SKI: variants seen among roughly 807,000 people sequenced by gnomAD.
SKI encodes SKI proto-oncogene, also known as ski oncogene.
In SKI, 23 loss-of-function variants were observed where a neutral mutation model predicts 59.3. That is an observed-to-expected ratio of 0.39 (90% confidence interval 0.28 to 0.55). The LOEUF is 0.55. SKI is among the 20% of genes least tolerant of loss of function. The pLI is 0.67. For missense variants in SKI, 1,017 were observed against 1,038.9 expected (o/e 0.98, Z 0.29); for synonymous variants, 673 against 488.6 (o/e 1.38, Z -4.98).
intron 1 of SKI, among the ~76,000 whole-genome samples, chr1:2,264,042 C>G (rs564297997): frequency 6.6e-6 from 1 of 151,654 alleles, no homozygotes; most frequent in Non-Finnish European, 1.5e-5. Flanking sequence ...TGGAACTTAC[C>G]ATTAAAACCT....
intron 1 of SKI, among the ~76,000 whole-genome samples, chr1:2,247,495 T>A (rs183733098): frequency 6.6e-6 from 1 of 152,330 alleles, no homozygotes; most frequent in East Asian, 1.9e-4. Flanking sequence ...ACTTGCCACC[T>A]CACAGAAGCC....
chr1:2,275,893 C>T (rs1359165138), intron 1 of SKI, among the ~76,000 whole-genome samples: 1 of 152,088 alleles, frequency 6.6e-6, no homozygotes, highest in Non-Finnish European at 1.5e-5. Flanking sequence ...TGCCTCCACC[C>T]CACCAGTGCA....
chr1:2,229,142 A>G lies in SKI; in HGVS notation c.376A>G (p.Ile126Val). Residue 126 changes from isoleucine (I) to valine (V), a missense_variant, in exon 1 of 7, where the codon ATT becomes GTT. Coordinates refer to ENST00000378536, the MANE Select transcript of SKI (RefSeq NM_003036.4). This position sits in a 1 kb window ranked among gnomAD's most constrained non-coding sequence, Gnocchi z 6.3. The part of the protein sequence containing the change: ...GGEKRLCLPQ[I>V]LNSVLRDFSL... ...CGAGAAGCGCCTGTGTCTGCCGCAG[A>G]TTCTCAACTCGGTGCTGCGCGACTT... The G allele has an allele frequency of 6.2e-7, 1 of 1,611,752 alleles. No homozygotes were observed. Among genetic ancestry groups the G allele is most frequent in the Middle Eastern group, 1.7e-4 (1 of 6,054 alleles).
intron 1 of SKI, among the ~76,000 whole-genome samples, chr1:2,237,525 C>G (rs943484252): frequency 6.6e-6 from 1 of 152,220 alleles, no homozygotes. Flanking sequence ...CCTGCAGACC[C>G]GCCCTCACCC....
At chr1:2,276,727 C>G (rs1277699348) in intron 1 of SKI, among the ~76,000 whole-genome samples, 2 of 152,246 alleles carry the variant, frequency 1.3e-5, no homozygotes, top group Non-Finnish European at 2.9e-5. Flanking sequence ...GTGGCCTCCA[C>G]TGTGAGTATG....
At position 2,275,497 on chromosome 1, in the gene SKI, TTGCTTTTTCCAGAGACGTTTATC is replaced by T. The variant is rs1639721265; in HGVS notation, c.970-27478_970-27456del. Among the ~76,000 whole-genome samples the T allele has an allele frequency of 2.0e-5, 3 of 151,954 alleles. No homozygotes were observed. The South Asian group carries it at 6.2e-4, about 31-fold the overall frequency. On this transcript the variant is annotated intron_variant, in intron 1 of 6. Transcript: ENST00000378536. ...GCAGGATGAGGGGTGTGGGGAGAGT[TTGCTTTTTCCAGAGACGTTTATC>T]TGTTTTTTTTTTAGACGGAGTCTCG...
Position 2,304,460 on chromosome 1 carries a change from G to A in SKI, c.1642G>A (p.Ala548Thr), listed in dbSNP as rs1434790266. The A allele has an allele frequency of 6.4e-7, 1 of 1,568,562 alleles. No individual in the cohort carries two copies. Among genetic ancestry groups the A allele is most frequent in the African/African-American group, 1.4e-5 (1 of 73,646 alleles). Residue 548 changes from alanine to threonine, a missense_variant, in exon 5 of 7, where the codon GCA becomes ACA. Physicochemically the swap from Ala to Thr is moderately conservative, Grantham distance 58. Transcript: ENST00000378536. ...GGCGGAGCTGGAGCACCTGCGGCAG[G>A]CACTGGAGGGCGGCCTGGACACCAA... is the stretch of plus-strand genomic sequence containing the variant. The part of the protein sequence containing the change: ...LEAELEHLRQ[A>T]LEGGLDTKEA...
At chr1:2,287,963 CGTCT>C (rs373939047) in intron 1 of SKI, among the ~76,000 whole-genome samples, 2 of 152,174 alleles carry the variant, frequency 1.3e-5, no homozygotes, top group African/African-American at 2.4e-5. Context: ...GGCTGTTTCT[CGTCT>C]GTCTTTTTTC....
At chr1:2,280,034 G>A (rs1032848591) in intron 1 of SKI, among the ~76,000 whole-genome samples, 2 of 152,158 alleles carry the variant, frequency 1.3e-5, no homozygotes, top group East Asian at 3.8e-4. Context: ...ATGGGTGCGC[G>A]AAAATTCTGA....
At chr1:2,251,579 C>T (rs915448914) in intron 1 of SKI, among the ~76,000 whole-genome samples, 9 of 152,270 alleles carry the variant, frequency 5.9e-5, no homozygotes, top group Non-Finnish European at 1.0e-4. Flanking sequence ...CAGCTGCAGC[C>T]GCCCTCCTTT....
intron 1 of SKI, among the ~76,000 whole-genome samples, chr1:2,263,083 T>A (rs369008964): frequency 6.6e-6 from 1 of 152,042 alleles, no homozygotes; most frequent in Non-Finnish European, 1.5e-5. Flanking sequence ...GTATTTTCAG[T>A]AGAGACAGGG....
intron 1 of SKI, among the ~76,000 whole-genome samples, chr1:2,262,245 C>A (rs1227687770): frequency 7.4e-6 from 1 of 135,702 alleles, no homozygotes; most frequent in South Asian, 2.4e-4. Flanking sequence ...AGTGGACGCC[C>A]TCGCTCCTGA....
chr1:2,305,265 T>C (rs1211138361), intron 5 of SKI, among the ~76,000 whole-genome samples: 1 of 152,152 alleles, frequency 6.6e-6, no homozygotes, highest in African/African-American at 2.4e-5. Flanking sequence ...GGAAGTGCGG[T>C]TCACAGGCAG....
In SKI at chr1:2,229,525, G is replaced by A. The variant is rs1433959477; in HGVS notation, c.759G>A (p.Met253Ile). 1 of 1,611,130 alleles carries A rather than the reference G, an allele frequency of 6.2e-7. No homozygotes were observed. The highest frequency in any genetic ancestry group is 1.1e-5 in the South Asian group (1 of 91,070). The change falls in exon 1 of 7, where the codon ATG (methionine) becomes ATA (isoleucine). Residue 253 changes from methionine (M) to isoleucine (I), a missense_variant. Transcript: ENST00000378536. This position sits in a 1 kb window ranked among gnomAD's most constrained non-coding sequence, Gnocchi z 6.3. Reference protein sequence around the residue: ...ACIQCLDCRLMYPPHKFVVHS... With the variant: ...ACIQCLDCRLIYPPHKFVVHS... ...TCCAGTGCCTGGACTGCCGCCTCAT[G>A]TACCCGCCGCACAAGTTCGTGGTGC...
At chr1:2,254,035 G>GGATGCTT (rs1639222314) in intron 1 of SKI, among the ~76,000 whole-genome samples, 1 of 152,244 alleles carries the variant, frequency 6.6e-6, no homozygotes, top group African/African-American at 2.4e-5. Flanking sequence ...GTCAGGCCAC[G>GGATGCTT]GATGCTTGTC....
chr1:2,257,440 G>A (rs1020793832), intron 1 of SKI, among the ~76,000 whole-genome samples: 7 of 152,262 alleles, frequency 4.6e-5, no homozygotes, highest in South Asian at 2.1e-4. Context: ...CCATGGTGGC[G>A]CTTTGGTGCC....
chr1:2,236,519 G>A (rs1021829952), intron 1 of SKI, among the ~76,000 whole-genome samples: 3 of 152,048 alleles, frequency 2.0e-5, no homozygotes, highest in African/African-American at 7.2e-5. Context: ...CAATTCCCCT[G>A]CCTCAGCCTC....
rs553325130 is a variant in SKI at position 2,291,656 on chromosome 1, C to G, written c.970-11322C>G. On this transcript the variant is annotated intron_variant, in intron 1 of 6. Transcript: ENST00000378536. ...CCACCCTCCTTCCAGCACCTTCCCC[C>G]CTGGATGGATGGGTCTTTGTGTTTT... is the stretch of plus-strand genomic sequence containing the variant. 2.1e-4 allele frequency among the ~76,000 whole-genome samples: 32 copies of G among 148,904 alleles called. No homozygotes were observed. The South Asian group carries it at 2.6e-3, about 12-fold the overall frequency.
intron 1 of SKI, among the ~76,000 whole-genome samples, chr1:2,256,033 G>A (rs1389681219): frequency 6.7e-6 from 1 of 148,252 alleles, no homozygotes; most frequent in Non-Finnish European, 1.5e-5. Flanking sequence ...TGCATTTCCT[G>A]TCTGGAGCTC....
Sources: allele counts gnomAD v4.1 joint callset (sites outside exome capture counted in the v4.1 genomes callset), GRCh38; gene constraint gnomAD v4.1.1; non-coding constraint Gnocchi (gnomAD v3.1); transcripts MANE v1.5; gene names NCBI Gene and HGNC (gene_info 2026-07-23, HGNC 2026-07-21).